The following EEA1 variants were observed in gnomAD, a reference collection of about 807,000 sequenced individuals.
EEA1 encodes the protein early endosome antigen 1.
In EEA1, 111 loss-of-function variants were observed where a neutral mutation model predicts 209.2. That is an observed-to-expected ratio of 0.53 (90% CI 0.45 to 0.62). The LOEUF is 0.62. Ranked by LOEUF, EEA1 falls within the 20% of genes least tolerant of loss-of-function variation. The probability of loss-of-function intolerance (pLI) is 0.00; values close to 1 mark genes in which losing one functional copy is unlikely to be tolerated. For missense variants in EEA1, 1,343 were observed against 1,530.8 expected (o/e 0.88, Z 2.05); for synonymous variants, 536 against 540.6 (o/e 0.99, Z 0.12).
At chr12:92,894,856 A>C (rs1420556904) in intron 1 of EEA1, among the ~76,000 whole-genome samples, 1 of 152,220 alleles carries the variant, frequency 6.6e-6, no homozygotes, top group Non-Finnish European at 1.5e-5. Flanking sequence ...TCAGAAAAAA[A>C]CAGCCTTCTA....
intron 10 of EEA1, among the ~76,000 whole-genome samples, chr12:92,840,775 G>A (rs1226046393): frequency 6.6e-6 from 1 of 152,180 alleles, no homozygotes; most frequent in Non-Finnish European, 1.5e-5. Context: ...CAATGGAATA[G>A]AATAGAGAGC....
chr12:92,792,255 G>A (rs1874438850), intron 21 of EEA1, among the ~76,000 whole-genome samples: 2 of 151,842 alleles, frequency 1.3e-5, no homozygotes, highest in Admixed American at 1.3e-4. Context: ...CAAGCACAAG[G>A]CAAGAAATAA....
rs761849063 is a variant in EEA1 at position 92,842,437 on chromosome 12, C to A, written c.915+28G>T. ...ATTTAAAATACATAAAATCAATTTG[C>A]TATTATATATAGCTTTAAAATTCTC... On this transcript the variant is annotated intron_variant, in intron 10 of 28. Coordinates refer to ENST00000322349, the MANE Select transcript of EEA1 (RefSeq NM_003566.4). The A allele has an allele frequency of 1.2e-5, 12 of 1,036,812 alleles. No individual in the cohort carries two copies. In the African/African-American group the frequency reaches 1.8e-4, roughly 15 times the overall value. The allele number at this position is 1,036,812 out of a possible 1,614,324, so 64.2% of individuals were successfully genotyped here.
intron 10 of EEA1, among the ~76,000 whole-genome samples, chr12:92,836,949 C>T (rs570396122): frequency 3.4e-4 from 51 of 151,966 alleles, no homozygotes; most frequent in Non-Finnish European, 6.2e-4. Context: ...GGTGAAACCC[C>T]GTCTCTACTA....
At chr12:92,807,496 G>T (rs1875271761) in intron 18 of EEA1, among the ~76,000 whole-genome samples, 1 of 152,070 alleles carries the variant, frequency 6.6e-6, no homozygotes, top group Non-Finnish European at 1.5e-5. Context: ...AAGTAAATTT[G>T]TCTCTATTCA....
At position 92,854,063 on chromosome 12, in the gene EEA1, G is replaced by C. The variant is rs950876446; in HGVS notation, c.367-109C>G. 3 of 827,132 alleles carry C rather than the reference G, an allele frequency of 3.6e-6. No homozygotes were observed. The Admixed American group carries it at 1.1e-4, about 30-fold the overall frequency. The allele number at this position is 827,132 out of a possible 1,614,324, so 51.2% of individuals were successfully genotyped here. A position where few individuals can be genotyped will look rare whatever the true frequency, so the allele number is the denominator to read the frequency against. On this transcript the variant is annotated intron_variant, in intron 5 of 28. Transcript: ENST00000322349. Reference sequence around the variant, plus strand: ...AAAGTCACTTTCTTTCAGGTAAGTAGTAAGATTTTGGTGAAAATTTAAATT... The same window carrying C: ...AAAGTCACTTTCTTTCAGGTAAGTACTAAGATTTTGGTGAAAATTTAAATT...
At chr12:92,874,506 C>T (rs896464659) in intron 2 of EEA1, among the ~76,000 whole-genome samples, 33 of 152,334 alleles carry the variant, frequency 2.2e-4, no homozygotes, top group Admixed American at 2.0e-4. Flanking sequence ...GCTGGGATTA[C>T]AGGCGCTTGC....
At chr12:92,818,639 T>C (rs1875906956) in intron 14 of EEA1, among the ~76,000 whole-genome samples, 1 of 152,214 alleles carries the variant, frequency 6.6e-6, no homozygotes, top group Non-Finnish European at 1.5e-5. Context: ...ATTCTAAAAT[T>C]AGAAAAGTGA....
At chr12:92,781,290 C>T (rs531256942) in intron 23 of EEA1, among the ~76,000 whole-genome samples, 6 of 152,146 alleles carry the variant, frequency 3.9e-5, no homozygotes, top group Non-Finnish European at 8.8e-5. Flanking sequence ...CATCACCACA[C>T]CCACAGAACA....
chr12:92,831,568 T>C (rs914953766), intron 11 of EEA1, among the ~76,000 whole-genome samples: 20 of 147,532 alleles, frequency 1.4e-4, no homozygotes, highest in Admixed American at 1.0e-3. Flanking sequence ...ATATTGTGTG[T>C]ATATATACTA....
intron 15 of EEA1, among the ~76,000 whole-genome samples, chr12:92,815,092 A>T (rs1277535771): frequency 6.6e-6 from 1 of 152,252 alleles, no homozygotes; most frequent in Admixed American, 6.5e-5. Flanking sequence ...CTCATAAAGA[A>T]GTTAAAGTAG....
Position 92,801,595 on chromosome 12 carries a change from C to A in EEA1, c.2772+5G>T. The A allele has an allele frequency of 6.4e-7, 1 of 1,562,174 alleles. No homozygotes were observed. The highest frequency in any genetic ancestry group is 1.2e-5 in the South Asian group (1 of 81,584). ...AGATTTTATGTTACAAAAAAAAAAT[C>A]TTACCTCCTTCTCTTTTTCAAGTGA... On this transcript the variant is annotated splice_donor_5th_base_variant and intron_variant, in intron 20 of 28. Transcript: ENST00000322349.
At chr12:92,795,663 T>C (rs1874626227) in intron 21 of EEA1, among the ~76,000 whole-genome samples, 2 of 152,238 alleles carry the variant, frequency 1.3e-5, no homozygotes, top group African/African-American at 4.8e-5. Context: ...TGGTGCTAAC[T>C]GCCTATCGGG....
chr12:92,834,546 TAAAA>T (rs5800089), intron 10 of EEA1, among the ~76,000 whole-genome samples: 1 of 74,424 alleles, frequency 1.3e-5, no homozygotes, highest in Non-Finnish European at 2.4e-5. Context: ...ACCCTGTCAC[TAAAA>T]AAAAAAAAAA....
chr12:92,802,335 G>A (rs1874956539), intron 19 of EEA1, 69 bp downstream of exon 19: 5 of 1,366,798 alleles, frequency 3.7e-6, no homozygotes, highest in Non-Finnish European at 4.9e-6. Context: ...TGTGAATTAA[G>A]CAGAAAAATC....
chr12:92,815,019 TCA>T (rs1348194499), intron 15 of EEA1, among the ~76,000 whole-genome samples: 1 of 152,198 alleles, frequency 6.6e-6, no homozygotes, highest in Non-Finnish European at 1.5e-5. Flanking sequence ...TAGGTTTTTC[TCA>T]GAGTCCTAAT....
intron 14 of EEA1, 132 bp from the exon 15 acceptor site, chr12:92,816,532 A>T: frequency 1.4e-6 from 1 of 709,876 alleles, no homozygotes; most frequent in Non-Finnish European, 2.3e-6. Context: ...AAGTAAAATT[A>T]TTCACTTGCC....
intron 12 of EEA1, among the ~76,000 whole-genome samples, chr12:92,826,714 C>CAAAAA (rs1210921584): frequency 1.8e-5 from 1 of 57,130 alleles, no homozygotes; most frequent in African/African-American, 6.5e-5. Context: ...GACTCCGTCT[C>CAAAAA]AAAAAAAAAA....
intron 18 of EEA1, 31 bp from the exon 19 acceptor site, chr12:92,802,765 A>G: frequency 3.4e-6 from 5 of 1,453,010 alleles, no homozygotes; most frequent in Non-Finnish European, 4.6e-6. Flanking sequence ...CTTTTTAAAT[A>G]ACACATAATT....
Sources: gnomAD v4.1 joint callset for allele counts (sites outside exome capture counted in the v4.1 genomes callset) on GRCh38, gnomAD v4.1.1 for gene constraint, MANE v1.5 for transcripts, NCBI Gene and HGNC (gene_info 2026-07-23, HGNC 2026-07-21) for gene names.